The following KIAA1217 variants were observed in gnomAD, a reference collection of about 807,000 sequenced individuals.
KIAA1217 encodes sickle tail protein homolog.
In KIAA1217, 88 loss-of-function variants were observed where a neutral mutation model predicts 163.9. The observed-to-expected ratio is 0.54, with a 90% CI of 0.45 to 0.64. The LOEUF (loss-of-function observed/expected upper bound fraction) is 0.64, where lower values mean the gene tolerates loss of function less well. Ranked by LOEUF, KIAA1217 falls within the 30% of genes least tolerant of loss-of-function variation. The pLI is 0.00. For missense variants in KIAA1217, 2,372 were observed against 2,475.0 expected (o/e 0.96, Z 0.88); for synonymous variants, 903 against 923.1 (o/e 0.98, Z 0.39).
intron 2 of KIAA1217, among the ~76,000 whole-genome samples, chr10:24,339,180 A>G (rs1350212247): frequency 6.6e-6 from 1 of 151,860 alleles, no homozygotes; most frequent in Non-Finnish European, 1.5e-5. Context: ...TCTCTAATTA[A>G]CCTCGTTTTG....
chr10:24,545,709 G>GTGTT (rs2075668032), intron 20 of KIAA1217, 118 bp from the exon 21 acceptor site: 1 of 1,500,054 alleles, frequency 6.7e-7, no homozygotes, highest in East Asian at 2.3e-5. Context: ...GCCTTGAACT[G>GTGTT]TGTTTGGTTG....
At chr10:24,148,617 C>G (rs2064453828) in intron 2 of KIAA1217, among the ~76,000 whole-genome samples, 1 of 152,162 alleles carries the variant, frequency 6.6e-6, no homozygotes, top group South Asian at 2.1e-4. Flanking sequence ...TGCTCCCTCT[C>G]TCATCATGTG....
chr10:23,847,118 G>A (rs113288989), intron 1 of KIAA1217, among the ~76,000 whole-genome samples: 1 of 152,126 alleles, frequency 6.6e-6, no homozygotes, highest in African/African-American at 2.4e-5. Flanking sequence ...TTTTTAATGT[G>A]CTACTGGATT....
At chr10:24,313,188 C>T (rs970233033) in intron 2 of KIAA1217, among the ~76,000 whole-genome samples, 9 of 152,220 alleles carry the variant, frequency 5.9e-5, no homozygotes, top group Admixed American at 2.0e-4. Context: ...AACAGTAGAG[C>T]GGGACGTATT....
rs2075318418 is a variant in KIAA1217, at chr10:24,543,189, A to G, written c.3919A>G (p.Lys1307Glu). ...CCAGACGCTGAATTACGGAAAGACA[A>G]AGGAGATGGAAAAGCAAAATACGGA... is the stretch of plus-strand genomic sequence containing the variant. ...ENQTLNYGKT[K>E]EMEKQNTDKC... Residue 1307 changes from lysine (K) to glutamate (E), a missense_variant, in exon 19 of 21, where the codon AAG becomes GAG. Transcript: ENST00000376454. 6.2e-7 allele frequency: 1 copy of G among 1,613,872 alleles called. No homozygotes were observed. Among genetic ancestry groups the G allele is most frequent in the Non-Finnish European group, 8.5e-7 (1 of 1,179,992 alleles).
intron 1 of KIAA1217, among the ~76,000 whole-genome samples, chr10:23,806,711 T>A (rs1836758615): frequency 6.6e-6 from 1 of 152,380 alleles, no homozygotes; most frequent in Non-Finnish European, 1.5e-5. Flanking sequence ...CTCTTTTGAA[T>A]GAGTTTAATT....
At chr10:24,144,950 C>T (rs1457753505) in intron 2 of KIAA1217, among the ~76,000 whole-genome samples, 1 of 152,206 alleles carries the variant, frequency 6.6e-6, no homozygotes, top group Admixed American at 6.5e-5. Context: ...GAGTTATTTA[C>T]AACTGCCAAA....
intron 2 of KIAA1217, among the ~76,000 whole-genome samples, chr10:24,234,489 C>A (rs1202643652): frequency 1.3e-5 from 2 of 151,768 alleles, no homozygotes; most frequent in South Asian, 2.1e-4. Flanking sequence ...TATGGTGAAA[C>A]CCTGTCTCTA....
Position 23,695,250 on chromosome 10 carries a change from G to A in KIAA1217, c.-321+16G>A, listed in dbSNP as rs1171197246. 1.3e-5 allele frequency: 2 copies of A among 152,364 alleles called. No homozygotes were observed. 9.4% of individuals were successfully genotyped at this position (152,364 alleles called of 1,614,324 possible). On this transcript the variant is annotated intron_variant, in intron 1 of 18. Transcript: ENST00000376462. This position sits in a 1 kb window ranked among gnomAD's most constrained non-coding sequence, Gnocchi z 4.9. ...TCGGCCCGAAGTAAGTGCAGCAGAA[G>A]TTTGCGTCGGTTGCCCCGCCGCTCC... is the stretch of plus-strand genomic sequence containing the variant.
chr10:24,077,980 T>TAAATGTCTTCTTTTGAG (rs2061421872), intron 2 of KIAA1217, among the ~76,000 whole-genome samples: 1 of 152,198 alleles, frequency 6.6e-6, no homozygotes, highest in African/African-American at 2.4e-5. Context: ...GTTGGCTGCA[T>TAAATGTCTTCTTTTGAG]AAATGTCTTC....
chr10:24,135,785 T>A (rs1370892677), intron 2 of KIAA1217, among the ~76,000 whole-genome samples: 7 of 152,138 alleles, frequency 4.6e-5, no homozygotes, highest in Non-Finnish European at 8.8e-5. Flanking sequence ...TTCTGAGTTG[T>A]GGTTTCTCCG....
intron 2 of KIAA1217, among the ~76,000 whole-genome samples, chr10:24,305,546 C>T (rs527712845): frequency 6.6e-6 from 1 of 152,228 alleles, no homozygotes; most frequent in South Asian, 2.1e-4. Context: ...TTGCTTTAAA[C>T]TGTAAACTAA....
chr10:24,443,237 T>A (rs1233919903), intron 5 of KIAA1217, among the ~76,000 whole-genome samples: 2 of 152,188 alleles, frequency 1.3e-5, no homozygotes, highest in Non-Finnish European at 2.9e-5. Context: ...AGATAAACTT[T>A]TGAGCCAGGT....
chr10:23,803,284 C>T (rs895938054), intron 1 of KIAA1217, among the ~76,000 whole-genome samples: 2 of 152,220 alleles, frequency 1.3e-5, no homozygotes, highest in African/African-American at 4.8e-5. Context: ...TCCTGAGGAA[C>T]ATATTTCCCC....
At chr10:24,263,726 T>C (rs1433490383) in intron 2 of KIAA1217, among the ~76,000 whole-genome samples, 1 of 152,224 alleles carries the variant, frequency 6.6e-6, no homozygotes, top group African/African-American at 2.4e-5. Context: ...GGGTTGTGTC[T>C]CTATTTCATG....
intron 2 of KIAA1217, among the ~76,000 whole-genome samples, chr10:24,280,683 G>A (rs892529495): frequency 3.3e-5 from 5 of 151,892 alleles, no homozygotes; most frequent in Admixed American, 1.3e-4. Context: ...GGTCACAGGC[G>A]CCTGTAGTCC....
At chr10:24,460,901 G>A (rs1042869371) in intron 5 of KIAA1217, among the ~76,000 whole-genome samples, 5 of 152,134 alleles carry the variant, frequency 3.3e-5, no homozygotes, top group Non-Finnish European at 7.3e-5. Context: ...GGCCTGAAGG[G>A]GTTAAACCTA....
intron 2 of KIAA1217, among the ~76,000 whole-genome samples, chr10:24,323,694 G>T (rs1429219304): frequency 6.6e-6 from 1 of 151,972 alleles, no homozygotes; most frequent in Non-Finnish European, 1.5e-5. Context: ...AGAAGATATT[G>T]ATTGAATGTT....
rs191869600 is a variant in KIAA1217 at position 23,868,171 on chromosome 10, T to C, written c.-320-139054T>C. 5.3e-5 allele frequency among the ~76,000 whole-genome samples: 8 copies of C among 152,232 alleles called. 1 individual carries two copies. In the East Asian group the frequency reaches 1.4e-3, roughly 26 times the overall value. On this transcript the variant is annotated intron_variant, in intron 1 of 18. Transcript: ENST00000376462. ...TTCTACATGGTTCTTCATTTCCTGATGGTTCAGCCCTGTTTGTCTTTGTGT... is the reference window on the plus strand; with the variant it reads ...TTCTACATGGTTCTTCATTTCCTGACGGTTCAGCCCTGTTTGTCTTTGTGT...
Sources: gnomAD v4.1 joint callset for allele counts (sites outside exome capture counted in the v4.1 genomes callset) on GRCh38, gnomAD v4.1.1 for gene constraint, Gnocchi (gnomAD v3.1) non-coding constraint, MANE v1.5 for transcripts, NCBI Gene and HGNC (gene_info 2026-07-23, HGNC 2026-07-21) for gene names.